WRN: variants seen among roughly 807,000 people sequenced by gnomAD.
WRN encodes the protein bifunctional 3'-5' exonuclease/ATP-dependent helicase WRN.
A neutral mutation model predicts 180.7 loss-of-function variants in WRN; 149 were observed. The ratio of observed to expected loss-of-function variants is 0.82; its 90% confidence interval spans 0.72 to 0.94. The LOEUF (loss-of-function observed/expected upper bound fraction) is 0.94. WRN is among the 40% of genes least tolerant of loss of function. The pLI, the probability that WRN is intolerant of heterozygous loss-of-function variation, is 0.00. For synonymous variants in WRN, 548 were observed against 568.9 expected (o/e 0.96, Z 0.52); for missense variants, 1,661 against 1,700.1 (o/e 0.98, Z 0.40).
intron 1 of WRN, among the ~76,000 whole-genome samples, chr8:31,056,851 A>G (rs1812294962): frequency 6.6e-6 from 1 of 152,136 alleles, no homozygotes; most frequent in Non-Finnish European, 1.5e-5. Context: ...TCTTGCTAAC[A>G]TTTTCTAGAT....
chr8:31,090,809 A>T (rs376409491), intron 14 of WRN, 25 bp from the exon 15 acceptor site: 370 of 1,550,432 alleles, frequency 2.4e-4, no homozygotes, highest in Non-Finnish European at 3.2e-4. Flanking sequence ...TTTTCATTTT[A>T]TTTTTATATT....
intron 30 of WRN, among the ~76,000 whole-genome samples, chr8:31,149,964 A>G (rs1585526785): frequency 6.6e-6 from 1 of 152,078 alleles, no homozygotes. Flanking sequence ...TTCTTTTGAG[A>G]TTTTCTTAGC....
Position 31,174,322 on chromosome 8 carries a change from G to A in WRN, c.*1220G>A, listed in dbSNP as rs1039357992. On this transcript the variant is annotated 3_prime_UTR_variant, in exon 35 of 35. Coordinates refer to ENST00000298139, the MANE Select transcript of WRN (RefSeq NM_000553.6). ...TGGAGTGGCAAGTACGCACAGACACGTCTGCTGCATGCCTAGGTACGAGGC... is the reference window on the plus strand; with the variant it reads ...TGGAGTGGCAAGTACGCACAGACACATCTGCTGCATGCCTAGGTACGAGGC... Among the ~76,000 whole-genome samples, 3 of 152,312 alleles carry A rather than the reference G, an allele frequency of 2.0e-5. No individual in the cohort carries two copies. Among genetic ancestry groups the A allele is most frequent in the East Asian group, 1.9e-4 (1 of 5,176 alleles).
rs2130470405 is a variant in WRN at position 31,154,710 on chromosome 8, T to C, written c.3774T>C (p.Ser1258=). Reference sequence around the variant, plus strand: ...ATAAAATATGCACACTTTCACAGTCTATGGCCATCACATACTCTTTATTCC... The same window carrying C: ...ATAAAATATGCACACTTTCACAGTCCATGGCCATCACATACTCTTTATTCC... The part of the protein sequence containing the change: ...AKNKICTLSQ[S]MAITYSLFQE... Residue 1258 remains serine, a synonymous_variant, in exon 32 of 35, where the codon TCT becomes TCC. Transcript: ENST00000298139. The C allele has an allele frequency of 1.2e-6, 2 of 1,613,630 alleles. No individual in the cohort carries two copies. The highest frequency in any genetic ancestry group is 1.7e-4 in the Middle Eastern group (1 of 6,056).
At chr8:31,066,694 A>G (rs1393176579) in intron 5 of WRN, among the ~76,000 whole-genome samples, 1 of 152,066 alleles carries the variant, frequency 6.6e-6, no homozygotes, top group Non-Finnish European at 1.5e-5. Context: ...TGTATTTCAC[A>G]TATTTTATTA....
intron 34 of WRN, 110 bp from the exon 35 acceptor site, chr8:31,172,885 G>C (rs1419297892): frequency 4.7e-6 from 4 of 855,804 alleles, no homozygotes; most frequent in East Asian, 2.6e-5. Flanking sequence ...TTGTTTGGAT[G>C]GGGGAGAAAG....
intron 24 of WRN, among the ~76,000 whole-genome samples, chr8:31,136,789 A>T (rs1239760317): frequency 6.6e-6 from 1 of 152,138 alleles, no homozygotes; most frequent in African/African-American, 2.4e-5. Context: ...GTGAGCCATG[A>T]TTACACCACT....
At chr8:31,077,251 C>CTTTTTTTTTTTTTTTTTTT (rs1296265714) in intron 8 of WRN, among the ~76,000 whole-genome samples, 1 of 151,668 alleles carries the variant, frequency 6.6e-6, no homozygotes, top group African/African-American at 2.4e-5. Flanking sequence ...ATGTAACTTT[C>CTTTTTTTTTTTTTTTTTTT]TTTTTTTTGA....
intron 33 of WRN, among the ~76,000 whole-genome samples, chr8:31,164,912 T>G (rs1184898986): frequency 2.0e-5 from 3 of 152,134 alleles, no homozygotes; most frequent in Non-Finnish European, 4.4e-5. Context: ...TAAATGCCAC[T>G]TATTTGCATA....
chr8:31,090,804 A>G, intron 14 of WRN, 30 bp from the exon 15 acceptor site: 1 of 1,533,720 alleles, frequency 6.5e-7, no homozygotes, highest in Middle Eastern at 1.7e-4. Context: ...TATTTTTTTC[A>G]TTTTATTTTT....
At chr8:31,102,676 G>A (rs1297253882) in intron 18 of WRN, among the ~76,000 whole-genome samples, 1 of 152,208 alleles carries the variant, frequency 6.6e-6, no homozygotes, top group Non-Finnish European at 1.5e-5. Context: ...TCCTGTGAAT[G>A]GAGCTTGTAG....
At chr8:31,058,212 G>A (rs968009392) in intron 1 of WRN, among the ~76,000 whole-genome samples, 160 bp from the exon 2 acceptor site, 1 of 152,178 alleles carries the variant, frequency 6.6e-6, no homozygotes, top group African/African-American at 2.4e-5. Flanking sequence ...TTTGTTTTAA[G>A]AGGAAGAAAT....
chr8:31,066,089 G>A (rs1812686247), intron 5 of WRN, among the ~76,000 whole-genome samples: 1 of 151,932 alleles, frequency 6.6e-6, no homozygotes, highest in South Asian at 2.1e-4. Flanking sequence ...TCTTGGTCAG[G>A]CTGATCTCGA....
intron 14 of WRN, 122 bp from the exon 15 acceptor site, chr8:31,090,712 T>C (rs1813713750): frequency 9.7e-7 from 1 of 1,034,922 alleles, no homozygotes; most frequent in South Asian, 1.5e-5. Context: ...TTTAGGAAGA[T>C]AGCATACTAG....
chr8:31,130,187 A>G (rs1188726485), intron 23 of WRN, among the ~76,000 whole-genome samples: 1 of 138,228 alleles, frequency 7.2e-6, no homozygotes, highest in Non-Finnish European at 1.6e-5. Context: ...AACAAAAAAA[A>G]CTGGTAAGAG....
At chr8:31,139,500 T>A (rs1298047440) in intron 24 of WRN, among the ~76,000 whole-genome samples, 2 of 152,182 alleles carry the variant, frequency 1.3e-5, no homozygotes, top group Admixed American at 1.3e-4. Context: ...TGTGGCCTCT[T>A]CTGTGATCAA....
chr8:31,120,511 A>C, intron 21 of WRN, 87 bp downstream of exon 21: 1 of 1,296,468 alleles, frequency 7.7e-7, no homozygotes, highest in South Asian at 1.4e-5. Flanking sequence ...TATTTCCAGT[A>C]TCCCAAGTAA....
chr8:31,037,765 C>T (rs1052688231), intron 1 of WRN, among the ~76,000 whole-genome samples: 2 of 152,068 alleles, frequency 1.3e-5, no homozygotes, highest in Non-Finnish European at 2.9e-5. Context: ...TATGCCAGTA[C>T]CGTGCTGTTT....
intron 34 of WRN, among the ~76,000 whole-genome samples, chr8:31,172,096 A>AT (rs1052191679): frequency 1.3e-5 from 2 of 151,388 alleles, no homozygotes; most frequent in African/African-American, 4.9e-5. Flanking sequence ...AAATTATTTA[A>AT]TTTTTTTTCA....
Sources: allele counts gnomAD v4.1 joint callset (sites outside exome capture counted in the v4.1 genomes callset), GRCh38; gene constraint gnomAD v4.1.1; transcripts MANE v1.5; gene names NCBI Gene and HGNC (gene_info 2026-07-23, HGNC 2026-07-21).